ZNF124: variants seen among roughly 807,000 people sequenced by gnomAD.
ZNF124 encodes the protein zinc finger protein HZF-16.
Under a neutral mutation model 26.6 loss-of-function variants are expected in ZNF124, and 25 were observed. The observed-to-expected ratio is 0.94, with a 90% CI of 0.68 to 1.31. The LOEUF is 1.31. Ranked by LOEUF, ZNF124 falls within the 40% of genes most tolerant of loss-of-function variation. The pLI, the probability that ZNF124 is intolerant of heterozygous loss-of-function variation, is 0.00. For missense variants in ZNF124, 444 were observed against 422.2 expected, an observed-to-expected ratio of 1.05 and a Z score of -0.45; for synonymous variants, 129 against 133.3, an observed-to-expected ratio of 0.97 and a Z score of 0.22.
At chr1:247,123,923 C>T in intron 3 of ZNF124, 1 of 701,940 alleles carries the variant, frequency 1.4e-6, no homozygotes, top group Non-Finnish European at 2.6e-6. Flanking sequence ...ACTCTTCATC[C>T]CTTCCTGTAT....
intron 3 of ZNF124, among the ~76,000 whole-genome samples, chr1:247,132,434 G>A (rs997714466): frequency 6.6e-6 from 1 of 152,154 alleles, no homozygotes; most frequent in Non-Finnish European, 1.5e-5. Context: ...CTGGATGGAG[G>A]ATCAGTTGGA....
At chr1:247,131,097 G>A (rs964897264) in intron 3 of ZNF124, among the ~76,000 whole-genome samples, 1 of 152,104 alleles carries the variant, frequency 6.6e-6, no homozygotes, top group Non-Finnish European at 1.5e-5. Context: ...CTCATAATAA[G>A]CATGTGAATC....
At chr1:247,123,835 A>C (rs1225082137) in exon 4 of ZNF124, 1 of 702,166 alleles carries the variant, frequency 1.4e-6, no homozygotes, top group Admixed American at 2.0e-5. Flanking sequence ...GAGGCTTTGC[A>C]CAACTTCCTT....
intron 1 of ZNF124, among the ~76,000 whole-genome samples, chr1:247,164,877 C>A (rs1673687423): frequency 6.6e-6 from 1 of 152,134 alleles, no homozygotes; most frequent in African/African-American, 2.4e-5. Context: ...GCTACTGTAA[C>A]CAAAACAGCA....
intron 3 of ZNF124, among the ~76,000 whole-genome samples, chr1:247,125,501 C>T (rs1400321479): frequency 8.5e-6 from 1 of 117,378 alleles, no homozygotes; most frequent in Admixed American, 9.8e-5. Context: ...TGGAGATCTC[C>T]ACTGACTGCA....
At chr1:247,126,088 C>A (rs1672214808) in intron 3 of ZNF124, among the ~76,000 whole-genome samples, 2 of 152,126 alleles carry the variant, frequency 1.3e-5, no homozygotes, top group Admixed American at 6.5e-5. Flanking sequence ...ATGGTGAAAC[C>A]CGTCTCTACT....
chr1:247,132,474 G>A (rs534599307), intron 3 of ZNF124, among the ~76,000 whole-genome samples: 2 of 152,258 alleles, frequency 1.3e-5, no homozygotes, highest in East Asian at 3.9e-4. Flanking sequence ...TTCAGAAGAT[G>A]GCTAATAAAA....
chr1:247,124,166 A>C (rs1429964435), intron 3 of ZNF124, among the ~76,000 whole-genome samples: 1 of 150,280 alleles, frequency 6.7e-6, no homozygotes, highest in Non-Finnish European at 1.5e-5. Flanking sequence ...TATTGGGATC[A>C]CACACGTAAA....
At chr1:247,164,959 G>A (rs945371686) in intron 1 of ZNF124, among the ~76,000 whole-genome samples, 11 of 151,394 alleles carry the variant, frequency 7.3e-5, no homozygotes, top group Non-Finnish European at 1.3e-4. Context: ...ACACACCTAC[G>A]ACCATCTGAT....
chr1:247,156,242 C>T lies in ZNF124; in HGVS notation c.*324G>A. On this transcript the variant is annotated 3_prime_UTR_variant, in exon 4 of 4. Coordinates refer to ENST00000543802, the MANE Select transcript of ZNF124 (RefSeq NM_001297568.2). ...TATAGGATAAATGAAGGCATTCTCA[C>T]ATTCGATACCTTCATAAAGTTTTTC... 9.7e-7 allele frequency: 1 copy of T among 1,035,426 alleles called. No individual in the cohort carries two copies. Among genetic ancestry groups the T allele is most frequent in the Non-Finnish European group, 1.2e-6 (1 of 863,944 alleles). The allele number at this position is 1,035,426 out of a possible 1,614,324, so 64.1% of individuals were successfully genotyped here.
At chr1:247,154,055 G>C (rs1407075289), downstream of ZNF124, among the ~76,000 whole-genome samples, 1 of 152,096 alleles carries the variant, frequency 6.6e-6, no homozygotes, top group Non-Finnish European at 1.5e-5. Flanking sequence ...CACTTGTCAG[G>C]CAACTGTCTG....
rs1479673349 is a variant in ZNF124, at chr1:247,155,395, T to TA, written c.*1170dup. The stretch of plus-strand genomic sequence containing the variant: ...AAAAATATTTTATACTTTAAATATT[T>TA]AAAAAATATTTTTTAAAATGGCTAT... On this transcript the variant is annotated 3_prime_UTR_variant, in exon 4 of 4. Coordinates refer to ENST00000543802, the MANE Select transcript of ZNF124 (RefSeq NM_001297568.2). 2.0e-5 allele frequency among the ~76,000 whole-genome samples: 3 copies of TA among 151,792 alleles called. No homozygotes were observed. Among genetic ancestry groups the TA allele is most frequent in the African/African-American group, 4.8e-5 (2 of 41,340 alleles).
intron 3 of ZNF124, among the ~76,000 whole-genome samples, chr1:247,132,145 C>T (rs1028625290): frequency 5.9e-5 from 9 of 152,080 alleles, no homozygotes; most frequent in Non-Finnish European, 4.4e-5. Context: ...CAGATGAATA[C>T]GCCTGAAGTG....
intron 3 of ZNF124, among the ~76,000 whole-genome samples, chr1:247,147,200 C>G (rs1018111759): frequency 6.8e-6 from 1 of 147,594 alleles, no homozygotes; most frequent in African/African-American, 2.5e-5. Flanking sequence ...CCTGTAAACT[C>G]AAGGATTTCT....
chr1:247,127,841 G>A (rs376751862), intron 3 of ZNF124, among the ~76,000 whole-genome samples: 1 of 148,588 alleles, frequency 6.7e-6, no homozygotes, highest in African/African-American at 2.5e-5. Flanking sequence ...CAAAGCTTCC[G>A]GCAGAATGAA....
At chr1:247,146,763 T>C (rs1672790576) in intron 3 of ZNF124, among the ~76,000 whole-genome samples, 2 of 152,186 alleles carry the variant, frequency 1.3e-5, no homozygotes, top group East Asian at 1.9e-4. Context: ...AGCCAATACA[T>C]TGAGTTGTCA....
intron 3 of ZNF124, among the ~76,000 whole-genome samples, chr1:247,127,704 C>T (rs141913924): frequency 0.019 from 2,773 of 145,278 alleles, 171 homozygotes; most frequent in African/African-American, 0.052. Context: ...AGCCCCCAGT[C>T]ACGTACCCCC....
intron 3 of ZNF124, among the ~76,000 whole-genome samples, chr1:247,141,957 CTG>C (rs1347123848): frequency 6.6e-6 from 1 of 152,220 alleles, no homozygotes; most frequent in Non-Finnish European, 1.5e-5. Flanking sequence ...CTGGGGGCCT[CTG>C]TGCTGCAGTG....
chr1:247,170,844 C>T (rs199602247), intron 1 of ZNF124, among the ~76,000 whole-genome samples: 2,891 of 119,002 alleles, frequency 0.024, 186 homozygotes, highest in African/African-American at 0.095. Flanking sequence ...CACAACCGGT[C>T]AGGTCAAGGG....
Sources: gnomAD v4.1 joint callset for allele counts (sites outside exome capture counted in the v4.1 genomes callset) on GRCh38, gnomAD v4.1.1 for gene constraint, MANE v1.5 for transcripts, NCBI Gene and HGNC (gene_info 2026-07-23, HGNC 2026-07-21) for gene names.